Variants in SPATS2 observed in about 807,000 individuals in gnomAD.
SPATS2 encodes spermatogenesis-associated serine-rich protein 2.
Under a neutral mutation model 63.7 loss-of-function variants are expected in SPATS2, and 38 were observed. The ratio of observed to expected loss-of-function variants is 0.60; its 90% confidence interval spans 0.46 to 0.78. SPATS2 has a LOEUF of 0.78. Ranked by LOEUF, SPATS2 falls within the 30% of genes least tolerant of loss-of-function variation. The pLI, the probability that SPATS2 is intolerant of heterozygous loss-of-function variation, is 0.00. For missense variants in SPATS2, 588 were observed against 666.2 expected (o/e 0.88, Z 1.29); for synonymous variants, 207 against 232.9 (o/e 0.89, Z 1.01).
chr12:49,379,446 G>A (rs551650416), intron 2 of SPATS2, among the ~76,000 whole-genome samples: 1 of 146,402 alleles, frequency 6.8e-6, no homozygotes, highest in Non-Finnish European at 1.5e-5. Flanking sequence ...AGCTACTCAG[G>A]AGGTTGAGGC....
chr12:49,505,624 A>G (rs1347410762), intron 9 of SPATS2, among the ~76,000 whole-genome samples: 1 of 152,102 alleles, frequency 6.6e-6, no homozygotes, highest in Admixed American at 6.6e-5. Flanking sequence ...GGAATGCTCA[A>G]CCAGTAATAA....
intron 2 of SPATS2, among the ~76,000 whole-genome samples, chr12:49,419,672 CTT>C (rs1944946250): frequency 6.6e-6 from 1 of 152,106 alleles, no homozygotes; most frequent in Non-Finnish European, 1.5e-5. Context: ...CTTCTTTAAA[CTT>C]TGTGTGAATA....
At chr12:49,502,807 G>A (rs1946587388) in intron 9 of SPATS2, among the ~76,000 whole-genome samples, 1 of 152,074 alleles carries the variant, frequency 6.6e-6, no homozygotes, top group African/African-American at 2.4e-5. Context: ...ATTACTCATT[G>A]TCTCAAAACT....
chr12:49,478,553 GTTGT>G (rs1344116943), intron 3 of SPATS2, among the ~76,000 whole-genome samples: 2 of 152,150 alleles, frequency 1.3e-5, no homozygotes, highest in African/African-American at 4.8e-5. Flanking sequence ...AGAACTTCAG[GTTGT>G]TTAATTGTTC....
At chr12:49,367,670 A>C in intron 1 of SPATS2, 83 bp downstream of exon 1, 1 of 58,676 alleles carries the variant, frequency 1.7e-5, no homozygotes. Context: ...GGGAGGAAAA[A>C]GAGGGAGGGG....
intron 2 of SPATS2, among the ~76,000 whole-genome samples, chr12:49,428,174 G>T (rs1945115498): frequency 6.6e-6 from 1 of 151,890 alleles, no homozygotes; most frequent in South Asian, 2.1e-4. Flanking sequence ...AGAATGGCGT[G>T]AACCCAGGAG....
chr12:49,510,980 T>A (rs1946742879), intron 9 of SPATS2, among the ~76,000 whole-genome samples: 1 of 152,094 alleles, frequency 6.6e-6, no homozygotes, highest in African/African-American at 2.4e-5. Flanking sequence ...GGCAGGCAGA[T>A]CACTTGAAGC....
intron 2 of SPATS2, among the ~76,000 whole-genome samples, chr12:49,452,905 C>A (rs997674488): frequency 3.3e-5 from 5 of 151,922 alleles, no homozygotes; most frequent in Non-Finnish European, 7.4e-5. Flanking sequence ...CGCTTGTAAT[C>A]CCAGCACTTT....
intron 12 of SPATS2, 30 bp downstream of exon 12, chr12:49,522,883 A>C (rs368469004): frequency 1.3e-6 from 2 of 1,577,312 alleles, no homozygotes; most frequent in Admixed American, 3.4e-5. Flanking sequence ...TGGGCACTAC[A>C]GGTGGTGATT....
chr12:49,503,082 GT>G (rs2137964443), intron 9 of SPATS2, among the ~76,000 whole-genome samples: 1 of 152,360 alleles, frequency 6.6e-6, no homozygotes, highest in South Asian at 2.1e-4. Context: ...GCTGGGCACA[GT>G]GGCTCATGCC....
chr12:49,414,701 C>T (rs867993182), intron 2 of SPATS2, among the ~76,000 whole-genome samples: 61 of 151,900 alleles, frequency 4.0e-4, no homozygotes, highest in African/African-American at 1.3e-3. Context: ...AACTCCTTAG[C>T]TTGTGACCCT....
intron 2 of SPATS2, among the ~76,000 whole-genome samples, chr12:49,437,039 G>A (rs1230570780): frequency 1.3e-5 from 2 of 152,038 alleles, no homozygotes; most frequent in African/African-American, 4.8e-5. Flanking sequence ...AGACGGGGTG[G>A]CTGCCGGGTG....
chr12:49,494,366 T>G (rs1946431188), intron 6 of SPATS2, among the ~76,000 whole-genome samples: 1 of 152,256 alleles, frequency 6.6e-6, no homozygotes, highest in Non-Finnish European at 1.5e-5. Flanking sequence ...TATATGCTTA[T>G]AGCTTATACT....
intron 2 of SPATS2, among the ~76,000 whole-genome samples, chr12:49,395,488 G>A (rs1255354069): frequency 6.7e-6 from 1 of 150,074 alleles, no homozygotes; most frequent in African/African-American, 2.5e-5. Flanking sequence ...GCAGTGTCAT[G>A]ATCTTGGCTC....
chr12:49,435,268 G>A (rs1362457724), intron 2 of SPATS2, among the ~76,000 whole-genome samples: 2 of 151,500 alleles, frequency 1.3e-5, no homozygotes, highest in Non-Finnish European at 2.9e-5. Context: ...CTGACCTCAT[G>A]ATCCGCCTGC....
At chr12:49,477,465 G>A (rs1274385226) in intron 3 of SPATS2, among the ~76,000 whole-genome samples, 1 of 152,184 alleles carries the variant, frequency 6.6e-6, no homozygotes, top group Non-Finnish European at 1.5e-5. Context: ...TTCTTGCATT[G>A]AAGCAGATTG....
chr12:49,406,495 C>T (rs190234687), intron 2 of SPATS2: 2 of 152,322 alleles, frequency 1.3e-5, no homozygotes, highest in Admixed American at 1.3e-4. Context: ...ACTATGGTGC[C>T]TACTCTGATT....
chr12:49,485,264 C>T (rs186117313), intron 4 of SPATS2, among the ~76,000 whole-genome samples: 144 of 151,832 alleles, frequency 9.5e-4, no homozygotes, highest in African/African-American at 3.4e-3. Context: ...GACAGGGTTT[C>T]GCCGTGGCCT....
chr12:49,467,045 T>G (rs12830220), intron 3 of SPATS2, among the ~76,000 whole-genome samples: 1 of 80,340 alleles, frequency 1.2e-5, no homozygotes, highest in African/African-American at 7.7e-5. Flanking sequence ...TTGTTCTTTG[T>G]TTTTTTTTTT....
Sources: allele counts gnomAD v4.1 joint callset (sites outside exome capture counted in the v4.1 genomes callset), GRCh38; gene constraint gnomAD v4.1.1; transcripts MANE v1.5; gene names NCBI Gene and HGNC (gene_info 2026-07-23, HGNC 2026-07-21).